PTK7: variants seen among roughly 807,000 people sequenced by gnomAD.
PTK7 encodes the protein inactive tyrosine-protein kinase 7.
A neutral mutation model predicts 116.6 loss-of-function variants in PTK7; 39 were observed. The observed-to-expected ratio is 0.33, with a 90% CI of 0.26 to 0.44. The LOEUF (loss-of-function observed/expected upper bound fraction) is 0.44. Among genes scored for constraint, PTK7 ranks in the 20% least tolerant of loss-of-function variants. PTK7 has a pLI of 1.00. For synonymous variants in PTK7, 546 were observed against 563.6 expected, an observed-to-expected ratio of 0.97 and a Z score of 0.44; for missense variants, 1,169 against 1,425.6, an observed-to-expected ratio of 0.82 and a Z score of 2.90.
At chr6:43,156,823 C>T (rs1356276651) in intron 17 of PTK7, among the ~76,000 whole-genome samples, 3 of 151,628 alleles carry the variant, frequency 2.0e-5, no homozygotes, top group Non-Finnish European at 4.4e-5. Context: ...TTGAACCCAG[C>T]GGGGTGGAGT....
chr6:43,101,188 C>G (rs1026326905), intron 1 of PTK7, among the ~76,000 whole-genome samples: 4 of 147,634 alleles, frequency 2.7e-5, no homozygotes, highest in African/African-American at 1.0e-4. Context: ...GCACTCCAGC[C>G]TGGGCAACAA....
At chr6:43,124,121 G>A (rs1340684080) in intron 1 of PTK7, among the ~76,000 whole-genome samples, 2 of 152,090 alleles carry the variant, frequency 1.3e-5, no homozygotes, top group Non-Finnish European at 2.9e-5. Context: ...AGGCAGCCTC[G>A]GGAAGCCCAG....
chr6:43,159,642 A>G, intron 18 of PTK7, 146 bp from the exon 19 acceptor site: 1 of 764,930 alleles, frequency 1.3e-6, no homozygotes, highest in Non-Finnish European at 2.2e-6. Flanking sequence ...TCCCATGCTC[A>G]GCACGCATGT....
chr6:43,091,799 C>T (rs1450343794), intron 1 of PTK7, among the ~76,000 whole-genome samples: 1 of 152,212 alleles, frequency 6.6e-6, no homozygotes, highest in East Asian at 1.9e-4. Flanking sequence ...GGACATGAAT[C>T]ATCCCTTTGT....
At chr6:43,157,349 TATATATATATATATATTTTTTTTTTTC>T (rs1561990233) in intron 17 of PTK7, among the ~76,000 whole-genome samples, 103 of 11,290 alleles carry the variant, frequency 9.1e-3, no homozygotes, top group East Asian at 0.015. Flanking sequence ...TATATATATA[TATATATATATATATATTTTTTTTTTTC>T]TTTTTTTTTT....
intron 1 of PTK7, among the ~76,000 whole-genome samples, chr6:43,102,530 G>A (rs1467027622): frequency 5.3e-5 from 8 of 151,552 alleles, no homozygotes; most frequent in Middle Eastern, 3.4e-3. Flanking sequence ...TGGAGGTTGC[G>A]GTGCATTGAG....
chr6:43,151,674 C>A (rs1338065464), intron 17 of PTK7, among the ~76,000 whole-genome samples: 2 of 147,798 alleles, frequency 1.4e-5, no homozygotes, highest in Admixed American at 6.8e-5. Context: ...GTAGCTGGGA[C>A]TACAGGCGCC....
At chr6:43,133,239 G>A (rs1430067769) in intron 7 of PTK7, 2 of 163,498 alleles carry the variant, frequency 1.2e-5, no homozygotes, top group Admixed American at 6.1e-5. Context: ...AAAAAAGAGG[G>A]GGAGAAAAGC....
In PTK7 at chr6:43,160,124, T is replaced by A. The variant is rs1208761257; in HGVS notation, c.3052+158T>A. 1.6e-5 allele frequency: 13 copies of A among 798,234 alleles called. 1 individual carries two copies. The South Asian group carries it at 2.4e-4, about 15-fold the overall frequency. 49.4% of individuals were successfully genotyped at this position (798,234 alleles called of 1,614,324 possible). ...GTTGTTAAAATACTGCAATACTTTG[T>A]TTTTCTTTTGAGACGGAGTGTCGCC... On this transcript the variant is annotated intron_variant, in intron 19 of 19. Transcript: ENST00000230419.
At chr6:43,136,333 T>TC in intron 7 of PTK7, among the ~76,000 whole-genome samples, 1 of 85,188 alleles carries the variant, frequency 1.2e-5, no homozygotes, top group Middle Eastern at 6.5e-3. Context: ...AGACTCCAAC[T>TC]CAAAAAAAAA....
In PTK7 at chr6:43,143,207, G is replaced by A; in HGVS notation, c.2048-210G>A. On this transcript the variant is annotated intron_variant, in intron 13 of 19. Transcript: ENST00000230419. The surrounding 1 kb of genome is among the most constrained non-coding windows in gnomAD (Gnocchi z 4.2). ...TTGGCTTCCGATGCAAAGCCAGCTTGGGAACCCCTGGCCTCATCTCCTTCA... is the reference window on the plus strand; with the variant it reads ...TTGGCTTCCGATGCAAAGCCAGCTTAGGAACCCCTGGCCTCATCTCCTTCA... 7.6e-6 allele frequency: 4 copies of A among 527,436 alleles called. No homozygotes were observed. The highest frequency in any genetic ancestry group is 1.3e-5 in the Non-Finnish European group (4 of 298,240). 32.7% of individuals were successfully genotyped at this position (527,436 alleles called of 1,614,324 possible).
At chr6:43,079,139 A>T (rs1455005760) in intron 1 of PTK7, among the ~76,000 whole-genome samples, 1 of 152,194 alleles carries the variant, frequency 6.6e-6, no homozygotes, top group East Asian at 1.9e-4. Flanking sequence ...TGGCATCTGC[A>T]GGGAATTGGA....
At chr6:43,078,475 T>C (rs1448730511) in intron 1 of PTK7, among the ~76,000 whole-genome samples, 1 of 152,284 alleles carries the variant, frequency 6.6e-6, no homozygotes, top group East Asian at 1.9e-4. Flanking sequence ...AGGCGCCTGC[T>C]GTCTTCTAGT....
At position 43,092,009 on chromosome 6, in the gene PTK7, C is replaced by T. The variant is rs567670350; in HGVS notation, c.79+15442C>T. Among the ~76,000 whole-genome samples the T allele has an allele frequency of 3.3e-5, 5 of 152,176 alleles. No individual in the cohort carries two copies. The East Asian group carries it at 7.7e-4, about 24-fold the overall frequency. On this transcript the variant is annotated intron_variant, in intron 1 of 19. Transcript: ENST00000230419. The stretch of plus-strand genomic sequence containing the variant: ...CCCTGAGCAGCTGGGATTACAGGCA[C>T]GTGTCACTACGCCCAGCTAATTTTT...
intron 1 of PTK7, among the ~76,000 whole-genome samples, chr6:43,116,394 G>A (rs1447839912): frequency 6.6e-6 from 1 of 152,086 alleles, no homozygotes. Flanking sequence ...CAGGCCCTGG[G>A]CGGCTCGTGC....
intron 1 of PTK7, among the ~76,000 whole-genome samples, chr6:43,106,186 G>T (rs1018395967): frequency 6.6e-6 from 1 of 151,858 alleles, no homozygotes; most frequent in Admixed American, 6.6e-5. Context: ...GCCTCTTGGT[G>T]GGCTTCCTTC....
intron 1 of PTK7, among the ~76,000 whole-genome samples, chr6:43,109,941 A>G (rs1582110659): frequency 6.7e-6 from 1 of 148,398 alleles, no homozygotes; most frequent in African/African-American, 2.5e-5. Context: ...CTCGTGATCC[A>G]CCTGCCTCGG....
intron 1 of PTK7, among the ~76,000 whole-genome samples, chr6:43,125,753 C>G (rs967900701): frequency 1.3e-5 from 2 of 152,216 alleles, no homozygotes; most frequent in African/African-American, 4.8e-5. Flanking sequence ...TCCAGGTTTA[C>G]AACTCATGAC....
intron 1 of PTK7, among the ~76,000 whole-genome samples, chr6:43,121,353 T>A (rs909335591): frequency 1.3e-5 from 2 of 152,320 alleles, no homozygotes; most frequent in Middle Eastern, 3.4e-3. Context: ...TCTGCCCCAG[T>A]CCTTGGTGAT....
Sources: gnomAD v4.1 joint callset for allele counts (sites outside exome capture counted in the v4.1 genomes callset) on GRCh38, gnomAD v4.1.1 for gene constraint, Gnocchi (gnomAD v3.1) non-coding constraint, MANE v1.5 for transcripts, NCBI Gene and HGNC (gene_info 2026-07-23, HGNC 2026-07-21) for gene names.